Variants in CDK1 observed in about 807,000 individuals in gnomAD.
The protein encoded by CDK1 is cyclin-dependent kinase 1.
A neutral mutation model predicts 34.6 loss-of-function variants in CDK1; 5 were observed. The observed-to-expected ratio is 0.14, with a 90% CI of 0.08 to 0.30. The LOEUF (loss-of-function observed/expected upper bound fraction) is 0.30, where lower values mean the gene tolerates loss of function less well. Ranked by LOEUF, CDK1 falls within the 10% of genes least tolerant of loss-of-function variation. The probability of loss-of-function intolerance (pLI) is 1.00; values close to 1 mark genes in which losing one functional copy is unlikely to be tolerated. For missense variants in CDK1, 157 were observed against 345.7 expected, an observed-to-expected ratio of 0.45 and a Z score of 4.33; for synonymous variants, 108 against 114.7, an observed-to-expected ratio of 0.94 and a Z score of 0.37.
At chr10:60,789,176 G>A (rs1166254940) in intron 5 of CDK1, among the ~76,000 whole-genome samples, 3 of 152,130 alleles carry the variant, frequency 2.0e-5, no homozygotes, top group Non-Finnish European at 4.4e-5. Context: ...TGTATGCAAT[G>A]TGTATTGATT....
At chr10:60,782,657 T>C (rs1257836193) in intron 2 of CDK1, among the ~76,000 whole-genome samples, 1 of 152,180 alleles carries the variant, frequency 6.6e-6, no homozygotes. Context: ...TTTCCTGGGA[T>C]AAATCTTCCA....
Position 60,785,637 on chromosome 10 carries a change from CTTCTCTCATATATTTTTT to C in CDK1, c.195-23_195-6del. ...AGAGGTCAAAAATGTTTGCTGGATT[CTTCTCTCATATATTTTTT>C]TTCCCCAGTCTTCAGGATGTGCTTA... is the stretch of plus-strand genomic sequence containing the variant. On this transcript the variant is annotated splice_polypyrimidine_tract_variant and intron_variant, in intron 3 of 7. Transcript: ENST00000395284. 7.6e-7 allele frequency: 1 copy of C among 1,323,172 alleles called. No individual in the cohort carries two copies. The highest frequency in any genetic ancestry group is 1.1e-6 in the Non-Finnish European group (1 of 940,274). 82.0% of individuals were successfully genotyped at this position (1,323,172 alleles called of 1,614,324 possible). A position where few individuals can be genotyped will look rare whatever the true frequency, so the allele number is the denominator to read the frequency against.
At chr10:60,788,340 G>T (rs2456772) in intron 5 of CDK1, 110 bp downstream of exon 5, 1 of 720,216 alleles carries the variant, frequency 1.4e-6, no homozygotes, top group Non-Finnish European at 2.1e-6. Flanking sequence ...CTACTCTGTG[G>T]CAGTATCAAT....
chr10:60,786,154 T>C, intron 4 of CDK1: 1 of 909,834 alleles, frequency 1.1e-6, no homozygotes, highest in Non-Finnish European at 1.3e-6. Flanking sequence ...GGTCAATTTA[T>C]TGTAGACATT....
chr10:60,791,584 A>C (rs1301104989), intron 5 of CDK1, among the ~76,000 whole-genome samples: 1 of 152,054 alleles, frequency 6.6e-6, no homozygotes, highest in East Asian at 1.9e-4. Context: ...TGTCACCCCA[A>C]ATCTATTATC....
At position 60,784,735 on chromosome 10, in the gene CDK1, A is replaced by G. The variant is rs111992007; in HGVS notation, c.68A>G (p.His23Arg). The change falls in exon 3 of 8, where the codon CAC (histidine) becomes CGC (arginine). Residue 23 changes from histidine (H) to arginine (R), a missense_variant. This residue lies in a region of CDK1 where 53 missense variants were observed against 89.2 expected (regional missense o/e 0.59). Transcript: ENST00000395284. ...TATGGAGTTGTGTATAAGGGTAGAC[A>G]CAAAACTACAGGTCAAGTGGTAGCC... The part of the protein sequence containing the change: ...GTYGVVYKGR[H>R]KTTGQVVAMK... 6.2e-7 allele frequency: 1 copy of G among 1,613,406 alleles called. No individual in the cohort carries two copies. Among genetic ancestry groups the G allele is most frequent in the Non-Finnish European group, 8.5e-7 (1 of 1,179,382 alleles).
chr10:60,785,815 T>C (rs2080310978), intron 4 of CDK1, 28 bp downstream of exon 4: 1 of 1,566,562 alleles, frequency 6.4e-7, no homozygotes. Flanking sequence ...TTTATTAATA[T>C]TTATGCACTG....
chr10:60,788,633 A>G (rs1284445813), intron 5 of CDK1, among the ~76,000 whole-genome samples: 1 of 152,036 alleles, frequency 6.6e-6, no homozygotes, highest in Non-Finnish European at 1.5e-5. Context: ...ACCCTCCCTG[A>G]TTATAGTCAG....
intron 3 of CDK1, 60 bp from the exon 4 acceptor site, chr10:60,785,604 T>C: frequency 9.7e-7 from 1 of 1,028,032 alleles, no homozygotes; most frequent in Admixed American, 2.2e-5. Context: ...AGTTTTATTT[T>C]GTGAAACAGA....
Position 60,794,001 on chromosome 10 carries a change from T to C in CDK1, c.*26T>C. 1 of 1,129,150 alleles carries C rather than the reference T, an allele frequency of 8.9e-7. No homozygotes were observed. The highest frequency in any genetic ancestry group is 2.5e-5 in the Admixed American group (1 of 39,988). The allele number at this position is 1,129,150 out of a possible 1,614,324, so 69.9% of individuals were successfully genotyped here. A position where few individuals can be genotyped will look rare whatever the true frequency, so the allele number is the denominator to read the frequency against. On this transcript the variant is annotated 3_prime_UTR_variant, in exon 8 of 8. Coordinates refer to ENST00000395284, the MANE Select transcript of CDK1 (RefSeq NM_001786.5). ...CTTTCTGACAAAAAGTTTCCATATG[T>C]TATATCAACAGATAGTTGTGTTTTT...
chr10:60,790,305 G>A (rs1013658136), intron 5 of CDK1, among the ~76,000 whole-genome samples: 3 of 152,128 alleles, frequency 2.0e-5, no homozygotes, highest in African/African-American at 4.8e-5. Flanking sequence ...ATGCAGTGGC[G>A]TGAACAGGGC....
intron 5 of CDK1, among the ~76,000 whole-genome samples, chr10:60,789,843 G>A (rs1283967883): frequency 2.0e-5 from 3 of 152,100 alleles, no homozygotes; most frequent in Non-Finnish European, 4.4e-5. Context: ...TTTCATAATG[G>A]CTCTACTAAT....
intron 5 of CDK1, among the ~76,000 whole-genome samples, chr10:60,789,703 A>G (rs2080343150): frequency 6.6e-6 from 1 of 152,226 alleles, no homozygotes; most frequent in South Asian, 2.1e-4. Context: ...TGCTTCAATA[A>G]ACATGGGAGT....
intron 5 of CDK1, among the ~76,000 whole-genome samples, chr10:60,790,918 C>T (rs565496064): frequency 2.0e-5 from 3 of 152,042 alleles, no homozygotes; most frequent in Non-Finnish European, 4.4e-5. Context: ...CATGATGTTT[C>T]GGTTACTATA....
intron 5 of CDK1, among the ~76,000 whole-genome samples, chr10:60,790,598 A>G (rs572085362): frequency 6.6e-6 from 1 of 152,258 alleles, no homozygotes; most frequent in East Asian, 1.9e-4. Flanking sequence ...TCTTATCCAT[A>G]TGATTTTTGT....
At chr10:60,786,270 C>T (rs1204451801) in intron 4 of CDK1, 1 of 979,342 alleles carries the variant, frequency 1.0e-6, no homozygotes, top group African/African-American at 1.7e-5. Flanking sequence ...GCAGAGGTAG[C>T]GCTGTTAGTT....
intron 1 of CDK1, among the ~76,000 whole-genome samples, chr10:60,779,103 C>T (rs2080250128): frequency 6.6e-6 from 1 of 152,220 alleles, no homozygotes; most frequent in Admixed American, 6.5e-5. Context: ...CCCACGGCCC[C>T]GGCCCACCTG....
rs1388236578 is a variant in CDK1 at position 60,793,955 on chromosome 10, A to C, written c.874A>C (p.Asn292His). ...TCATCCATATTTTAATGATTTGGAC[A>C]ATCAGATTAAGAAGATGTAGCTTTC... ...LNHPYFNDLD[N>H]QIKKM is the part of the protein sequence containing the mutation. The change falls in exon 8 of 8, where the codon AAT (asparagine) becomes CAT (histidine). Residue 292 changes from asparagine (N) to histidine (H), a missense_variant. By Grantham distance (68) the Asn-to-His change is moderately conservative (BLOSUM62 1). This residue lies in a region of CDK1 where 102 missense variants were observed against 233.6 expected (regional missense o/e 0.44). Coordinates refer to ENST00000395284, the MANE Select transcript of CDK1 (RefSeq NM_001786.5). 1 of 1,534,406 alleles carries C rather than the reference A, an allele frequency of 6.5e-7. No homozygotes were observed. Among genetic ancestry groups the C allele is most frequent in the Admixed American group, 2.3e-5 (1 of 43,644 alleles).
rs1370960556 is a variant in CDK1 at position 60,790,336 on chromosome 10, T to C, written c.490-1554T>C. Among the ~76,000 whole-genome samples, 3 of 152,264 alleles carry C rather than the reference T, an allele frequency of 2.0e-5. No individual in the cohort carries two copies. The East Asian group carries it at 5.8e-4, about 29-fold the overall frequency. On this transcript the variant is annotated intron_variant, in intron 5 of 7. Transcript: ENST00000395284. ...AGGGCTCACTGCAACCTCAACCTCC[T>C]GGGCTCCAGTGATCCTTCCACGTCA...
Sources: gnomAD v4.1 joint callset for allele counts (sites outside exome capture counted in the v4.1 genomes callset) on GRCh38, gnomAD v4.1.1 for gene constraint, gnomAD v4.1.1 regional missense constraint, MANE v1.5 for transcripts, NCBI Gene and HGNC (gene_info 2026-07-23, HGNC 2026-07-21) for gene names.